KPNA6: variants seen among roughly 807,000 people sequenced by gnomAD.
KPNA6 encodes the protein importin subunit alpha-7.
Under a neutral mutation model 72.0 loss-of-function variants are expected in KPNA6, and 9 were observed. The observed-to-expected ratio is 0.13, with a 90% CI of 0.08 to 0.22. The LOEUF (loss-of-function observed/expected upper bound fraction) is 0.22. Ranked by LOEUF, KPNA6 falls within the 10% of genes least tolerant of loss-of-function variation. The pLI is 1.00. For synonymous variants in KPNA6, 219 were observed against 242.1 expected, an observed-to-expected ratio of 0.90 and a Z score of 0.89; for missense variants, 374 against 655.7, an observed-to-expected ratio of 0.57 and a Z score of 4.69.
At chr1:32,114,904 G>T (rs1028602487) in intron 1 of KPNA6, among the ~76,000 whole-genome samples, 1 of 152,204 alleles carries the variant, frequency 6.6e-6, no homozygotes, top group African/African-American at 2.4e-5. Context: ...GCAGTGGCAC[G>T]ATCTCGCCTC....
chr1:32,142,549 G>A (rs1426395144), intron 1 of KPNA6, among the ~76,000 whole-genome samples: 1 of 152,100 alleles, frequency 6.6e-6, no homozygotes, highest in Admixed American at 6.6e-5. Context: ...TACCTATTTT[G>A]TATTATCATT....
At position 32,172,777 on chromosome 1, in the gene KPNA6, G is replaced by T; in HGVS notation, c.*1883G>T. 1 of 232,580 alleles carries T rather than the reference G, an allele frequency of 4.3e-6. No individual in the cohort carries two copies. Among genetic ancestry groups the T allele is most frequent in the African/African-American group, 2.3e-5 (1 of 44,356 alleles). 14.4% of individuals were successfully genotyped at this position (232,580 alleles called of 1,614,324 possible). A position where few individuals can be genotyped will look rare whatever the true frequency, so the allele number is the denominator to read the frequency against. The stretch of plus-strand genomic sequence containing the variant: ...CACCCCCACCTCCCCACTGTGGTTA[G>T]TCAGAGGCATCCTGCTCCAAGCTCT... On this transcript the variant is annotated 3_prime_UTR_variant, in exon 14 of 14. Transcript: ENST00000373625.
intron 1 of KPNA6, among the ~76,000 whole-genome samples, chr1:32,116,042 C>T (rs973374747): frequency 2.0e-5 from 3 of 152,156 alleles, no homozygotes; most frequent in African/African-American, 7.2e-5. Context: ...CTGCGCTCGG[C>T]TCCTTAAACC....
chr1:32,152,017 A>G (rs1018406613), intron 1 of KPNA6, among the ~76,000 whole-genome samples: 1 of 152,272 alleles, frequency 6.6e-6, no homozygotes, highest in Non-Finnish European at 1.5e-5. Context: ...ACATTAGTGA[A>G]GTGAAACATT....
intron 1 of KPNA6, among the ~76,000 whole-genome samples, chr1:32,141,498 A>G (rs1333539653): frequency 6.9e-6 from 1 of 144,622 alleles, no homozygotes; most frequent in Non-Finnish European, 1.5e-5. Context: ...CCCATGTTCA[A>G]GCAATTCTTC....
intron 2 of KPNA6, among the ~76,000 whole-genome samples, chr1:32,155,824 C>G (rs1251465992): frequency 6.6e-6 from 1 of 151,616 alleles, no homozygotes; most frequent in Non-Finnish European, 1.5e-5. Flanking sequence ...ACTGCAGCCT[C>G]AAGCTCCCGG....
rs79515910 is a variant in KPNA6, at chr1:32,174,168, C to T, written c.*3274C>T. On this transcript the variant is annotated 3_prime_UTR_variant, in exon 14 of 14. Coordinates refer to ENST00000373625, the MANE Select transcript of KPNA6 (RefSeq NM_012316.5). The stretch of plus-strand genomic sequence containing the variant: ...GGGTCAGGGAATACAAATGGCCCCC[C>T]CCCAGGGAGCAGGTGTTGGCCTCAG... 6.6e-6 allele frequency: 1 copy of T among 152,250 alleles called. No individual in the cohort carries two copies. The highest frequency in any genetic ancestry group is 2.4e-5 in the African/African-American group (1 of 41,434). The allele number at this position is 152,250 out of a possible 1,614,324, so 9.4% of individuals were successfully genotyped here.
chr1:32,144,920 A>G (rs1307843599), intron 1 of KPNA6, among the ~76,000 whole-genome samples: 2 of 151,302 alleles, frequency 1.3e-5, no homozygotes, highest in Admixed American at 1.3e-4. Flanking sequence ...TGTTGGAATT[A>G]CAGGCGTAAG....
At chr1:32,166,624 CAAA>C (rs561653103) in intron 11 of KPNA6, among the ~76,000 whole-genome samples, 3 of 39,040 alleles carry the variant, frequency 7.7e-5, no homozygotes, top group Non-Finnish European at 5.1e-5. Context: ...GACTCCGTCT[CAAA>C]AAAAAAAAAA....
chr1:32,128,422 TATATACAC>T (rs1267201216), intron 1 of KPNA6, among the ~76,000 whole-genome samples: 153 of 118,414 alleles, frequency 1.3e-3, no homozygotes, highest in African/African-American at 5.3e-3. Context: ...TATATATATA[TATATACAC>T]ACACACACAC....
At chr1:32,150,784 GC>G (rs1262438294) in intron 1 of KPNA6, among the ~76,000 whole-genome samples, 1 of 152,198 alleles carries the variant, frequency 6.6e-6, no homozygotes, top group East Asian at 1.9e-4. Flanking sequence ...GTGCCACCAA[GC>G]TCAGCTAATT....
chr1:32,140,604 G>A (rs78188596), intron 1 of KPNA6, among the ~76,000 whole-genome samples: 3,921 of 152,194 alleles, frequency 0.026, 68 homozygotes, highest in Non-Finnish European at 0.039. Context: ...TAGTGTTTAA[G>A]CAGTTTATAA....
intron 1 of KPNA6, among the ~76,000 whole-genome samples, chr1:32,125,903 A>T (rs968203818): frequency 4.6e-5 from 6 of 131,298 alleles, no homozygotes; most frequent in African/African-American, 1.0e-4. Flanking sequence ...AATTGAGATT[A>T]TATATATAAA....
intron 5 of KPNA6, among the ~76,000 whole-genome samples, chr1:32,158,663 C>A (rs975218393): frequency 6.6e-6 from 1 of 152,034 alleles, no homozygotes; most frequent in Non-Finnish European, 1.5e-5. Flanking sequence ...CATTACTTAT[C>A]CCCATCCCAC....
intron 1 of KPNA6, among the ~76,000 whole-genome samples, chr1:32,109,665 A>T (rs1233287794): frequency 7.1e-6 from 1 of 141,458 alleles, no homozygotes; most frequent in Non-Finnish European, 1.5e-5. Flanking sequence ...TTTTTTTGAG[A>T]CGGAGTCTGG....
chr1:32,132,738 C>T lies in KPNA6; in HGVS notation c.5-21850C>T, dbSNP rs368267358. Among the ~76,000 whole-genome samples, 28 of 152,240 alleles carry T rather than the reference C, an allele frequency of 1.8e-4. 1 individual carries two copies. The highest frequency in any genetic ancestry group is 9.7e-4 in the East Asian group (5 of 5,132). ...CTAACACGGTGAAACCCCGTCTCTA[C>T]TAAAAATACAAAAAATTAGCCGGGC... On this transcript the variant is annotated intron_variant, in intron 1 of 13. Coordinates refer to ENST00000373625, the MANE Select transcript of KPNA6 (RefSeq NM_012316.5).
intron 6 of KPNA6, among the ~76,000 whole-genome samples, chr1:32,159,956 G>A (rs1378830090): frequency 6.6e-6 from 1 of 152,204 alleles, no homozygotes; most frequent in East Asian, 1.9e-4. Context: ...GGATAGAATT[G>A]GAGAGTGGTA....
intron 11 of KPNA6, 57 bp from the exon 12 acceptor site, chr1:32,167,112 T>A: frequency 6.3e-7 from 1 of 1,593,612 alleles, no homozygotes; most frequent in Middle Eastern, 1.7e-4. Context: ...ACTAGATTTA[T>A]TTATCATGCT....
At position 32,171,172 on chromosome 1, in the gene KPNA6, C is replaced by T. The variant is rs746373698; in HGVS notation, c.*278C>T. Reference sequence around the variant, plus strand: ...ATTTTGGCTGCACACATGTCTTTAACCCAGGAGCCCAGGGGTAGACAAAGG... The same window carrying T: ...ATTTTGGCTGCACACATGTCTTTAATCCAGGAGCCCAGGGGTAGACAAAGG... On this transcript the variant is annotated 3_prime_UTR_variant, in exon 14 of 14. Coordinates refer to ENST00000373625, the MANE Select transcript of KPNA6 (RefSeq NM_012316.5). The T allele has an allele frequency of 1.1e-4, 44 of 400,966 alleles. No individual in the cohort carries two copies. Among genetic ancestry groups the T allele is most frequent in the Non-Finnish European group, 1.9e-4 (43 of 221,858 alleles). 24.8% of individuals were successfully genotyped at this position (400,966 alleles called of 1,614,324 possible).
Sources: gnomAD v4.1 joint callset for allele counts (sites outside exome capture counted in the v4.1 genomes callset) on GRCh38, gnomAD v4.1.1 for gene constraint, MANE v1.5 for transcripts, NCBI Gene and HGNC (gene_info 2026-07-23, HGNC 2026-07-21) for gene names.